Variants in ARHGAP17 observed in about 807,000 individuals in gnomAD.
ARHGAP17 encodes Rho GTPase activating protein 17.
ARHGAP17 carries 57 observed loss-of-function variants against 99.5 expected under a neutral mutation model. That is an observed-to-expected ratio of 0.57 (90% CI 0.46 to 0.71). The LOEUF is 0.71. Ranked by LOEUF, ARHGAP17 falls within the 30% of genes least tolerant of loss-of-function variation. The probability of loss-of-function intolerance (pLI) is 0.00; values close to 1 mark genes in which losing one functional copy is unlikely to be tolerated. For missense variants in ARHGAP17, 1,000 were observed against 1,122.4 expected, an observed-to-expected ratio of 0.89 and a Z score of 1.56; for synonymous variants, 417 against 429.6, an observed-to-expected ratio of 0.97 and a Z score of 0.36.
At chr16:24,923,747 A>G (rs74015785) in intron 19 of ARHGAP17, among the ~76,000 whole-genome samples, 5,518 of 148,966 alleles carry the variant, frequency 0.037, 324 homozygotes, top group African/African-American at 0.13. Flanking sequence ...AAAAAAAAAA[A>G]AGAGAGAAAC....
chr16:24,949,316 G>A, intron 13 of ARHGAP17, 88 bp downstream of exon 13: 1 of 1,003,816 alleles, frequency 1.0e-6, no homozygotes. Context: ...GTTTTTTAAT[G>A]TGCCAAGTAT....
chr16:24,973,600 T>G (rs771816604), intron 3 of ARHGAP17, among the ~76,000 whole-genome samples: 1 of 152,148 alleles, frequency 6.6e-6, no homozygotes, highest in Non-Finnish European at 1.5e-5. Context: ...CTAATTTCCC[T>G]CCTTTATAGG....
intron 1 of ARHGAP17, among the ~76,000 whole-genome samples, chr16:25,000,548 T>C: frequency 6.6e-6 from 1 of 152,132 alleles, no homozygotes; most frequent in Non-Finnish European, 1.5e-5. Context: ...CAAATCTGTG[T>C]GTGGATGATT....
At chr16:24,976,075 T>G (rs188007625) in intron 3 of ARHGAP17, among the ~76,000 whole-genome samples, 21 of 152,238 alleles carry the variant, frequency 1.4e-4, no homozygotes, top group Non-Finnish European at 2.5e-4. Flanking sequence ...AATCGGCACA[T>G]CCCATCTCCT....
At chr16:24,966,593 T>C (rs954583809) in intron 6 of ARHGAP17, among the ~76,000 whole-genome samples, 5 of 151,820 alleles carry the variant, frequency 3.3e-5, no homozygotes, top group Admixed American at 6.6e-5. Flanking sequence ...ATTGTGCCAC[T>C]GTACTCCAGC....
intron 1 of ARHGAP17, among the ~76,000 whole-genome samples, chr16:24,986,974 G>A (rs146155621): frequency 1.3e-5 from 2 of 152,312 alleles, no homozygotes; most frequent in Middle Eastern, 3.4e-3. Context: ...CTGCACCTAC[G>A]CACCTCCATC....
chr16:24,982,996 ATTTTTTTTTTTT>A (rs1193522045), intron 1 of ARHGAP17, among the ~76,000 whole-genome samples: 2 of 46,974 alleles, frequency 4.3e-5, no homozygotes, highest in Non-Finnish European at 7.6e-5. Context: ...ATATATATAT[ATTTTTTTTTTTT>A]TTTTTTTTTT....
At position 25,015,273 on chromosome 16, in the gene ARHGAP17, C is replaced by T. The variant is rs763311842; in HGVS notation, c.-12G>A. 8.2e-6 allele frequency: 11 copies of T among 1,334,680 alleles called. No homozygotes were observed. The highest frequency in any genetic ancestry group is 9.7e-6 in the Non-Finnish European group (10 of 1,032,324). 82.7% of individuals were successfully genotyped at this position (1,334,680 alleles called of 1,614,324 possible). A position where few individuals can be genotyped will look rare whatever the true frequency, so the allele number is the denominator to read the frequency against. ...AACTGCTTCTTCATGGCGGCGGTGGCGGCGGCGGCCCGCGGGGCTCGGGCC... is the reference window on the plus strand; with the variant it reads ...AACTGCTTCTTCATGGCGGCGGTGGTGGCGGCGGCCCGCGGGGCTCGGGCC... On this transcript the variant is annotated 5_prime_UTR_variant, in exon 1 of 20. Coordinates refer to ENST00000289968, the MANE Select transcript of ARHGAP17 (RefSeq NM_001006634.3).
At chr16:24,929,376 T>C (rs947154823) in intron 19 of ARHGAP17, among the ~76,000 whole-genome samples, 1 of 152,176 alleles carries the variant, frequency 6.6e-6, no homozygotes, top group African/African-American at 2.4e-5. Flanking sequence ...AATCAGGCTC[T>C]TGATCTACTG....
At chr16:24,940,679 C>A (rs938640481) in intron 16 of ARHGAP17, among the ~76,000 whole-genome samples, 2 of 152,040 alleles carry the variant, frequency 1.3e-5, no homozygotes, top group African/African-American at 4.8e-5. Context: ...CTAGCCTGGG[C>A]ACATAACCCT....
At chr16:24,929,682 A>AAACC (rs2050931271) in intron 19 of ARHGAP17, 3 of 987,200 alleles carry the variant, frequency 3.0e-6, no homozygotes, top group Non-Finnish European at 3.6e-6. Flanking sequence ...CAAAACAAAC[A>AAACC]AACCAACATG....
chr16:24,926,117 AAAAAG>A lies in ARHGAP17; in HGVS notation c.2515+4662_2515+4666del, dbSNP rs1234595935. Among the ~76,000 whole-genome samples, 350 of 145,802 alleles carry A rather than the reference AAAAAG, an allele frequency of 2.4e-3. 1 individual carries two copies. The highest frequency in any genetic ancestry group is 6.6e-3 in the South Asian group (31 of 4,724). ...AGAGTGAGACTCCGTCTGAAAAAAA[AAAAAG>A]AAAAGAAAAGAAAAGAGAAGAGAAG... On this transcript the variant is annotated intron_variant, in intron 19 of 19. Transcript: ENST00000289968.
intron 19 of ARHGAP17, chr16:24,920,695 C>G (rs1032833243): frequency 6.3e-6 from 1 of 159,420 alleles, no homozygotes; most frequent in Non-Finnish European, 1.4e-5. Flanking sequence ...TCAGCACCAG[C>G]AACATTTGGG....
At chr16:24,933,328 A>G (rs2051045328) in intron 18 of ARHGAP17, among the ~76,000 whole-genome samples, 2 of 152,106 alleles carry the variant, frequency 1.3e-5, no homozygotes, top group African/African-American at 2.4e-5. Flanking sequence ...CTACAAAAAA[A>G]TAAAGCAGCC....
At position 25,015,264 on chromosome 16, in the gene ARHGAP17, C is replaced by A; in HGVS notation, c.-3G>T. 7.5e-7 allele frequency: 1 copy of A among 1,340,276 alleles called. No individual in the cohort carries two copies. The highest frequency in any genetic ancestry group is 2.0e-5 in the South Asian group (1 of 50,628). 83.0% of individuals were successfully genotyped at this position (1,340,276 alleles called of 1,614,324 possible). On this transcript the variant is annotated 5_prime_UTR_variant, in exon 1 of 20. Transcript: ENST00000289968. ...ATGCGGTTGAACTGCTTCTTCATGG[C>A]GGCGGTGGCGGCGGCGGCCCGCGGG...
chr16:24,994,872 T>C (rs2053148956), intron 1 of ARHGAP17, among the ~76,000 whole-genome samples: 1 of 152,168 alleles, frequency 6.6e-6, no homozygotes, highest in Non-Finnish European at 1.5e-5. Context: ...TATTATAACC[T>C]GTATTAGTCT....
At chr16:25,012,385 C>T (rs1420611532) in intron 1 of ARHGAP17, among the ~76,000 whole-genome samples, 1 of 152,232 alleles carries the variant, frequency 6.6e-6, no homozygotes, top group Non-Finnish European at 1.5e-5. Context: ...AAAGGTCTCC[C>T]TTCTGAGGAG....
At chr16:24,956,774 T>A (rs377625087) in intron 9 of ARHGAP17, 5 of 152,378 alleles carry the variant, frequency 3.3e-5, no homozygotes, top group East Asian at 1.9e-4. Flanking sequence ...GGTTTTCACA[T>A]GATGACAACC....
intron 1 of ARHGAP17, among the ~76,000 whole-genome samples, chr16:25,005,120 T>G (rs1367878835): frequency 3.9e-5 from 6 of 152,220 alleles, no homozygotes; most frequent in Non-Finnish European, 7.3e-5. Flanking sequence ...TTTACCATAT[T>G]GGTCAGGCTG....
Sources: allele counts gnomAD v4.1 joint callset (sites outside exome capture counted in the v4.1 genomes callset), GRCh38; gene constraint gnomAD v4.1.1; transcripts MANE v1.5; gene names NCBI Gene and HGNC (gene_info 2026-07-23, HGNC 2026-07-21).